The following CNBD2 variants were observed in gnomAD, a reference collection of about 807,000 sequenced individuals.
CNBD2 encodes cyclic nucleotide binding domain containing 2.
In CNBD2, 64 loss-of-function variants were observed where a neutral mutation model predicts 63.7. The observed-to-expected ratio is 1.00, with a 90% CI of 0.82 to 1.24. The LOEUF is 1.24. Ranked by LOEUF, CNBD2 falls within the 50% of genes most tolerant of loss-of-function variation. CNBD2 has a pLI of 0.00. For missense variants in CNBD2, 691 were observed against 713.5 expected (o/e 0.97, Z 0.36); for synonymous variants, 229 against 255.4 (o/e 0.90, Z 0.99).
chr20:36,001,724 G>T (rs1270093143), intron 8 of CNBD2, among the ~76,000 whole-genome samples: 1 of 150,824 alleles, frequency 6.6e-6, no homozygotes, highest in Non-Finnish European at 1.5e-5. Flanking sequence ...AGACGGGGTC[G>T]CGGCCGGGTA....
chr20:36,023,550 C>T (rs1324812792), intron 10 of CNBD2, 52 bp from the exon 11 acceptor site: 27 of 1,374,122 alleles, frequency 2.0e-5, no homozygotes, highest in South Asian at 4.8e-5. Flanking sequence ...TGAAAATCTG[C>T]GGGCAGACCT....
intron 8 of CNBD2, among the ~76,000 whole-genome samples, chr20:36,006,948 G>T (rs935377468): frequency 2.6e-5 from 4 of 152,054 alleles, no homozygotes; most frequent in Non-Finnish European, 4.4e-5. Context: ...CTAGCACTCT[G>T]GGAGGCCGAG....
intron 1 of CNBD2, 74 bp downstream of exon 1, chr20:35,968,887 C>A: frequency 1.7e-6 from 2 of 1,196,660 alleles, no homozygotes; most frequent in Non-Finnish European, 2.4e-6. Flanking sequence ...AAGGTCGATG[C>A]AGGTGTAGGA....
At chr20:35,978,263 C>G (rs1568863464) in intron 3 of CNBD2, among the ~76,000 whole-genome samples, 1 of 152,078 alleles carries the variant, frequency 6.6e-6, no homozygotes, top group South Asian at 2.1e-4. Context: ...GCAACCTCAA[C>G]CTCCTTGGGC....
chr20:36,028,692 T>C (rs1360853110), intron 11 of CNBD2, among the ~76,000 whole-genome samples: 1 of 151,370 alleles, frequency 6.6e-6, no homozygotes, highest in Non-Finnish European at 1.5e-5. Context: ...CTGGTTTTTT[T>C]TGGGACGGAG....
intron 11 of CNBD2, among the ~76,000 whole-genome samples, chr20:36,028,636 G>GAACTA (rs2057308352): frequency 6.6e-6 from 1 of 152,072 alleles, no homozygotes; most frequent in African/African-American, 2.4e-5. Context: ...CAGACAGTAT[G>GAACTA]AACTAATGCT....
At chr20:35,957,818 A>C (rs201696532), downstream of CNBD2, 1 of 152,226 alleles carries the variant, frequency 6.6e-6, no homozygotes, top group East Asian at 1.9e-4. Flanking sequence ...CTTTTAGTCC[A>C]AACTCTTATC....
chr20:36,003,569 T>C (rs1275180424), intron 8 of CNBD2, among the ~76,000 whole-genome samples: 3 of 152,216 alleles, frequency 2.0e-5, no homozygotes, highest in Admixed American at 6.5e-5. Flanking sequence ...ATTCTAGTTA[T>C]TGGGAAAAGG....
chr20:35,976,945 G>A (rs922679868), intron 3 of CNBD2, among the ~76,000 whole-genome samples: 5 of 152,114 alleles, frequency 3.3e-5, no homozygotes, highest in Non-Finnish European at 7.3e-5. Context: ...GCCCAGGTAT[G>A]GCTTCTGTTG....
Position 35,970,036 on chromosome 20 carries a change from A to G in CNBD2, c.51+1223A>G, listed in dbSNP as rs554239844. On this transcript the variant is annotated intron_variant, in intron 1 of 11. Coordinates refer to ENST00000373973, the MANE Select transcript of CNBD2 (RefSeq NM_001365709.1). The stretch of plus-strand genomic sequence containing the variant: ...TGGGGCATGAAGGCTCATGCCTGTA[A>G]TCCCAGCACTTTGGGAGGCTGAGGT... Among the ~76,000 whole-genome samples the G allele has an allele frequency of 2.0e-5, 3 of 152,310 alleles. No individual in the cohort carries two copies. In the East Asian group the frequency reaches 5.8e-4, roughly 29 times the overall value.
At chr20:35,984,159 C>T (rs2056634822) in intron 5 of CNBD2, 21 bp downstream of exon 5, 1 of 1,577,874 alleles carries the variant, frequency 6.3e-7, no homozygotes, top group Non-Finnish European at 8.6e-7. Flanking sequence ...GGGAAGGACC[C>T]AGTTTCCTGG....
chr20:35,956,521 T>A (rs1233753076), downstream of CNBD2, among the ~76,000 whole-genome samples: 1 of 152,228 alleles, frequency 6.6e-6, no homozygotes, highest in Non-Finnish European at 1.5e-5. Context: ...GTTGTTTGCA[T>A]TTACTGTTGC....
intron 7 of CNBD2, among the ~76,000 whole-genome samples, chr20:35,988,281 C>T (rs2056696392): frequency 6.6e-6 from 1 of 152,176 alleles, no homozygotes; most frequent in Admixed American, 6.5e-5. Context: ...ATTCTCCTGC[C>T]TCAGCCTCCA....
At chr20:35,954,733 G>T in exon 1 of CNBD2, 1 of 832,584 alleles carries the variant, frequency 1.2e-6, no homozygotes, top group Non-Finnish European at 1.7e-6. Flanking sequence ...GACCTTATCC[G>T]TGCGCCGCTT....
At chr20:35,963,644 T>C (rs1416574762), upstream of CNBD2, among the ~76,000 whole-genome samples, 1 of 151,764 alleles carries the variant, frequency 6.6e-6, no homozygotes, top group Non-Finnish European at 1.5e-5. Flanking sequence ...GTCTCAAAAA[T>C]AAATAAATAA....
At chr20:35,980,673 A>G (rs771245247) in intron 4 of CNBD2, 51 bp downstream of exon 4, 1 of 1,576,086 alleles carries the variant, frequency 6.3e-7, no homozygotes, top group Non-Finnish European at 8.7e-7. Flanking sequence ...GGACTGAGCA[A>G]AAGAGCCTGG....
intron 8 of CNBD2, among the ~76,000 whole-genome samples, chr20:36,004,053 G>A (rs2056951324): frequency 6.6e-6 from 1 of 152,108 alleles, no homozygotes; most frequent in African/African-American, 2.4e-5. Flanking sequence ...GAATGAGAGA[G>A]AGCAACAGAG....
Position 36,030,343 on chromosome 20 carries a change from T to C in CNBD2, c.1440-14T>C. On this transcript the variant is annotated splice_polypyrimidine_tract_variant and intron_variant, in intron 11 of 11. Transcript: ENST00000373973. ...ACTGGCATGAGAACCTCGGCTTCTGTGCCTGCCCTTTAGTGATGAAGATAT... is the reference window on the plus strand; with the variant it reads ...ACTGGCATGAGAACCTCGGCTTCTGCGCCTGCCCTTTAGTGATGAAGATAT... 6.2e-7 allele frequency: 1 copy of C among 1,613,386 alleles called. No homozygotes were observed. Among genetic ancestry groups the C allele is most frequent in the Non-Finnish European group, 8.5e-7 (1 of 1,179,406 alleles).
chr20:35,954,434 T>G (rs1028123672), upstream of CNBD2: 1 of 1,549,270 alleles, frequency 6.5e-7, no homozygotes, highest in Non-Finnish European at 8.7e-7. Context: ...CGGCCGAGAG[T>G]GTGCGGAGCT....
Sources: allele counts gnomAD v4.1 joint callset (sites outside exome capture counted in the v4.1 genomes callset), GRCh38; gene constraint gnomAD v4.1.1; transcripts MANE v1.5; gene names NCBI Gene and HGNC (gene_info 2026-07-23, HGNC 2026-07-21).